The following WWOX variants were observed in gnomAD, a reference collection of about 807,000 sequenced individuals.
WWOX encodes WW domain-containing oxidoreductase.
Under a neutral mutation model 46.2 loss-of-function variants are expected in WWOX, and 69 were observed. The observed-to-expected ratio is 1.49, with a 90% CI of 1.23 to 1.82. The LOEUF (loss-of-function observed/expected upper bound fraction) is 1.82. WWOX is among the 40% of genes most tolerant of loss of function. The pLI is 0.00. For synonymous variants in WWOX, 359 were observed against 202.6 expected, an observed-to-expected ratio of 1.77 and a Z score of -6.56; for missense variants, 919 against 542.6, an observed-to-expected ratio of 1.69 and a Z score of -6.89.
intron 5 of WWOX, among the ~76,000 whole-genome samples, chr16:78,238,576 C>G (rs1206337114): frequency 6.6e-6 from 1 of 151,992 alleles, no homozygotes; most frequent in Non-Finnish European, 1.5e-5. Flanking sequence ...TTGCCCCAAA[C>G]CCCGCAAAGG....
chr16:78,728,008 C>G (rs192480763), intron 8 of WWOX, among the ~76,000 whole-genome samples: 11 of 145,922 alleles, frequency 7.5e-5, no homozygotes, highest in African/African-American at 2.8e-4. Context: ...AAACCTATTA[C>G]AAGTGAACAT....
intron 8 of WWOX, among the ~76,000 whole-genome samples, chr16:78,828,991 A>G (rs2051737573): frequency 6.6e-6 from 1 of 152,336 alleles, no homozygotes; most frequent in Non-Finnish European, 1.5e-5. Flanking sequence ...CAAAGCTAGG[A>G]TTTAAACCCT....
At chr16:78,686,695 C>G (rs1446199473) in intron 8 of WWOX, among the ~76,000 whole-genome samples, 1 of 152,070 alleles carries the variant, frequency 6.6e-6, no homozygotes, top group African/African-American at 2.4e-5. Flanking sequence ...TTCCGGGAAT[C>G]CAGTTGTTTT....
At chr16:79,031,181 C>G (rs1043324073) in intron 8 of WWOX, among the ~76,000 whole-genome samples, 1 of 151,906 alleles carries the variant, frequency 6.6e-6, no homozygotes, top group Non-Finnish European at 1.5e-5. Context: ...TATGCGGAAG[C>G]CTTCGCCCCC....
At chr16:78,964,943 T>C (rs2046337628) in intron 8 of WWOX, among the ~76,000 whole-genome samples, 1 of 152,162 alleles carries the variant, frequency 6.6e-6, no homozygotes, top group South Asian at 2.1e-4. Flanking sequence ...CCATGTGGTG[T>C]TGAGTGTGTG....
intron 8 of WWOX, chr16:79,206,078 G>C (rs991715334): frequency 1.3e-5 from 2 of 152,088 alleles, no homozygotes; most frequent in East Asian, 3.9e-4. Context: ...CTTCATTTTT[G>C]TTCATCCAAA....
Position 78,644,675 on chromosome 16 carries a change from C to T in WWOX, c.1056+211923C>T, listed in dbSNP as rs368194547. Among the ~76,000 whole-genome samples, 20 of 152,316 alleles carry T rather than the reference C, an allele frequency of 1.3e-4. 1 individual carries two copies. The highest frequency in any genetic ancestry group is 4.8e-4 in the African/African-American group (20 of 41,574). On this transcript the variant is annotated intron_variant, in intron 8 of 8. Coordinates refer to ENST00000566780, the MANE Select transcript of WWOX (RefSeq NM_016373.4). ...ATGGGGTTGCACCATGTTTACCAGG[C>T]TGGTCTGGAACTCCTGAACTCAAGT...
chr16:79,006,019 C>T (rs1038243574), intron 8 of WWOX, among the ~76,000 whole-genome samples: 1 of 152,162 alleles, frequency 6.6e-6, no homozygotes, highest in Non-Finnish European at 1.5e-5. Context: ...TTGCGGTCAC[C>T]TCTTATGTGC....
At chr16:78,891,234 T>C (rs527536077) in intron 8 of WWOX, 11 of 152,330 alleles carry the variant, frequency 7.2e-5, no homozygotes, top group African/African-American at 2.6e-4. Context: ...TGAATAACAA[T>C]ATGTAATTTC....
chr16:79,052,210 C>T (rs570681447), intron 8 of WWOX, among the ~76,000 whole-genome samples: 2 of 147,584 alleles, frequency 1.4e-5, no homozygotes, highest in South Asian at 4.4e-4. Flanking sequence ...CCACCACAGT[C>T]CCCAGAGTGT....
intron 6 of WWOX, among the ~76,000 whole-genome samples, chr16:78,421,221 A>G (rs2082920877): frequency 6.6e-6 from 1 of 152,232 alleles, no homozygotes; most frequent in Admixed American, 6.5e-5. Context: ...TTACAGTTTC[A>G]GAGACCAAAC....
At chr16:79,208,216 C>T (rs1302739545) in intron 8 of WWOX, among the ~76,000 whole-genome samples, 1 of 152,162 alleles carries the variant, frequency 6.6e-6, no homozygotes, top group Non-Finnish European at 1.5e-5. Flanking sequence ...TCGGAAATGG[C>T]ATTCGGGCAT....
At chr16:78,881,053 A>G (rs1597099822) in intron 8 of WWOX, among the ~76,000 whole-genome samples, 2 of 142,976 alleles carry the variant, frequency 1.4e-5, no homozygotes, top group African/African-American at 5.3e-5. Context: ...GTGTGGTGGC[A>G]GGATCACGGC....
intron 8 of WWOX, among the ~76,000 whole-genome samples, chr16:79,055,545 C>G (rs762744701): frequency 1.3e-5 from 2 of 152,114 alleles, no homozygotes; most frequent in Admixed American, 6.5e-5. Flanking sequence ...GCCCTAGATA[C>G]TGAAAATCAG....
In WWOX at chr16:78,743,883, C is replaced by T. The variant is rs529797477; in HGVS notation, c.1056+311131C>T. ...GGAGACCTCTATAGGGTATTTAAAC[C>T]CCAGAAAATTCTTTAACCAGGCTCT... On this transcript the variant is annotated intron_variant, in intron 8 of 8. Coordinates refer to ENST00000566780, the MANE Select transcript of WWOX (RefSeq NM_016373.4). Among the ~76,000 whole-genome samples the T allele has an allele frequency of 3.9e-5, 6 of 152,234 alleles. No individual in the cohort carries two copies. The South Asian group carries it at 6.2e-4, about 16-fold the overall frequency.
intron 8 of WWOX, among the ~76,000 whole-genome samples, chr16:78,818,694 C>T: frequency 6.6e-6 from 1 of 152,336 alleles, no homozygotes; most frequent in Non-Finnish European, 1.5e-5. Context: ...TGCCACAGGA[C>T]TATAGCCTGG....
chr16:78,814,099 G>A (rs1320876578), intron 8 of WWOX, among the ~76,000 whole-genome samples: 4 of 152,214 alleles, frequency 2.6e-5, no homozygotes, highest in Admixed American at 6.5e-5. Context: ...CAAGTTTTCA[G>A]TGCAGGACAG....
At chr16:78,674,047 C>G (rs1045959356) in intron 8 of WWOX, among the ~76,000 whole-genome samples, 1 of 151,874 alleles carries the variant, frequency 6.6e-6, no homozygotes. Flanking sequence ...TTTGGATTCT[C>G]GATGGGAACC....
At chr16:78,242,695 G>A (rs1475823511) in intron 5 of WWOX, among the ~76,000 whole-genome samples, 3 of 152,058 alleles carry the variant, frequency 2.0e-5, no homozygotes, top group South Asian at 2.1e-4. Flanking sequence ...AGGAGAGAGC[G>A]GAAGCAGAAA....
Sources: allele counts gnomAD v4.1 joint callset (sites outside exome capture counted in the v4.1 genomes callset), GRCh38; gene constraint gnomAD v4.1.1; transcripts MANE v1.5; gene names NCBI Gene and HGNC (gene_info 2026-07-23, HGNC 2026-07-21).